The following CREBBP variants were observed in gnomAD, a reference collection of about 807,000 sequenced individuals.
The protein encoded by CREBBP is CREB-binding protein.
CREBBP carries 19 observed loss-of-function variants against 265.0 expected under a neutral mutation model. That is an observed-to-expected ratio of 0.07 (90% CI 0.05 to 0.11). The LOEUF is 0.11. CREBBP is among the 10% of genes least tolerant of loss of function. The probability of loss-of-function intolerance (pLI) is 1.00; values close to 1 mark genes in which losing one functional copy is unlikely to be tolerated. For synonymous variants in CREBBP, 1,457 were observed against 1,223.7 expected, an observed-to-expected ratio of 1.19 and a Z score of -3.98; for missense variants, 2,525 against 3,219.0, an observed-to-expected ratio of 0.78 and a Z score of 5.22.
chr16:3,867,863 T>C (rs112230232), intron 1 of CREBBP, among the ~76,000 whole-genome samples: 52 of 152,006 alleles, frequency 3.4e-4, no homozygotes, highest in African/African-American at 1.9e-4. Context: ...AAGGTGGACA[T>C]TGCAGTGAGC....
chr16:3,852,070 A>AAAAAAAAAAAAAAAAAAAAAAAAAAAAC (rs2054856686), intron 1 of CREBBP, among the ~76,000 whole-genome samples: 1 of 143,208 alleles, frequency 7.0e-6, no homozygotes, highest in African/African-American at 2.6e-5. Context: ...AAAAAAAAAA[A>AAAAAAAAAAAAAAAAAAAAAAAAAAAAC]AAAAAGAATG....
rs773500314 is a variant in CREBBP at position 3,731,487 on chromosome 16, G to A, written c.4891-14C>T. On this transcript the variant is annotated splice_polypyrimidine_tract_variant and intron_variant, in intron 29 of 30. Coordinates refer to ENST00000262367, the MANE Select transcript of CREBBP (RefSeq NM_004380.3). This position sits in a 1 kb window ranked among gnomAD's most constrained non-coding sequence, Gnocchi z 7.7. Reference sequence around the variant, plus strand: ...CACGAAGAAGACCTGCAGGAGAGGAGGGGCTTTAGTCCCACACAAGGGACA... The same window carrying A: ...CACGAAGAAGACCTGCAGGAGAGGAAGGGCTTTAGTCCCACACAAGGGACA... 1.3e-6 allele frequency: 2 copies of A among 1,571,692 alleles called. No homozygotes were observed. The highest frequency in any genetic ancestry group is 1.2e-5 in the South Asian group (1 of 86,580).
In CREBBP at chr16:3,729,851, G is replaced by A. The variant is rs1471958863; in HGVS notation, c.5196C>T (p.Cys1732=). 6.2e-7 allele frequency: 1 copy of A among 1,602,624 alleles called. No individual in the cohort carries two copies. Among genetic ancestry groups the A allele is most frequent in the African/African-American group, 1.3e-5 (1 of 75,052 alleles). Residue 1732 remains cysteine, a synonymous_variant, in exon 31 of 31, where the codon TGC becomes TGT. Coordinates refer to ENST00000262367, the MANE Select transcript of CREBBP (RefSeq NM_004380.3). ...VCEDYDLCIN[C]YNTKSHAHKM... ...TATGGGCATGGCTCTTCGTGTTATA[G>A]CAGTTGATGCAGAGGTCGTAGTCCT...
intron 16 of CREBBP, among the ~76,000 whole-genome samples, chr16:3,765,989 C>A (rs997335005): frequency 6.6e-6 from 1 of 152,048 alleles, no homozygotes; most frequent in Non-Finnish European, 1.5e-5. Flanking sequence ...ACCATGCACG[C>A]CCTGCTTTTC....
At position 3,812,342 on chromosome 16, in the gene CREBBP, C is replaced by T. The variant is rs1041181863; in HGVS notation, c.799-1563G>A. On this transcript the variant is annotated intron_variant, in intron 2 of 30. Coordinates refer to ENST00000262367, the MANE Select transcript of CREBBP (RefSeq NM_004380.3). ...TATGGGCTCGTGCCATCACACCCAG[C>T]TAATTTTTGTATTTTTAGTAGAGAC... 2.0e-5 allele frequency among the ~76,000 whole-genome samples: 3 copies of T among 151,976 alleles called. No individual in the cohort carries two copies. In the East Asian group the frequency reaches 5.8e-4, roughly 29 times the overall value.
intron 20 of CREBBP, among the ~76,000 whole-genome samples, chr16:3,750,484 G>A (rs1362195198): frequency 2.0e-5 from 3 of 152,326 alleles, no homozygotes; most frequent in East Asian, 3.9e-4. Context: ...CTGACGAAAA[G>A]AGGGAACGGC....
In CREBBP at chr16:3,731,618, G is replaced by T; in HGVS notation, c.4891-145C>A. 8 of 1,396,290 alleles carry T rather than the reference G, an allele frequency of 5.7e-6. No homozygotes were observed. Among genetic ancestry groups the T allele is most frequent in the Non-Finnish European group, 8.0e-6 (8 of 995,822 alleles). The allele number at this position is 1,396,290 out of a possible 1,614,324, so 86.5% of individuals were successfully genotyped here. On this transcript the variant is annotated intron_variant, in intron 29 of 30. Transcript: ENST00000262367. The surrounding 1 kb of genome is among the most constrained non-coding windows in gnomAD (Gnocchi z 7.7). ...GATGCCTTGGGATGGAACAAAATTG[G>T]TGACACGTTGCATGATGTCACCCAA... is the stretch of plus-strand genomic sequence containing the variant.
At chr16:3,777,897 T>G in intron 10 of CREBBP, 114 bp downstream of exon 10, 1 of 1,315,490 alleles carries the variant, frequency 7.6e-7, no homozygotes, top group Non-Finnish European at 1.1e-6. Context: ...ATCAACAGCT[T>G]CTGCAGGGCA....
At chr16:3,829,188 T>G (rs1218067387) in intron 2 of CREBBP, among the ~76,000 whole-genome samples, 2 of 152,146 alleles carry the variant, frequency 1.3e-5, no homozygotes, top group Non-Finnish European at 2.9e-5. Context: ...AGCAAAAATA[T>G]TTTGGAAAAG....
chr16:3,879,580 A>G (rs1039708188), intron 1 of CREBBP, among the ~76,000 whole-genome samples: 1 of 152,150 alleles, frequency 6.6e-6, no homozygotes, highest in African/African-American at 2.4e-5. Context: ...GAGTGCCACT[A>G]GGGTCCCCGC....
intron 2 of CREBBP, among the ~76,000 whole-genome samples, chr16:3,848,134 C>T (rs575059409): frequency 1.3e-5 from 2 of 150,702 alleles, no homozygotes; most frequent in African/African-American, 4.9e-5. Context: ...GGTGCCACTG[C>T]ACTCCAGACA....
At chr16:3,856,757 G>A (rs1455498572) in intron 1 of CREBBP, among the ~76,000 whole-genome samples, 2 of 152,182 alleles carry the variant, frequency 1.3e-5, no homozygotes, top group African/African-American at 2.4e-5. Context: ...TGAAGAGACC[G>A]TGTCAAGCAC....
intron 2 of CREBBP, among the ~76,000 whole-genome samples, chr16:3,829,792 C>G (rs923282363): frequency 1.3e-5 from 2 of 152,104 alleles, no homozygotes; most frequent in African/African-American, 4.8e-5. Context: ...ACTGGACATG[C>G]CAAGGAGCAG....
chr16:3,833,727 T>G (rs1222875416), intron 2 of CREBBP, among the ~76,000 whole-genome samples: 1 of 152,196 alleles, frequency 6.6e-6, no homozygotes, highest in East Asian at 1.9e-4. Context: ...TAATACTTAC[T>G]GTAAAGCTAA....
At chr16:3,730,396 G>C (rs2051882970) in intron 30 of CREBBP, 1 of 176,846 alleles carries the variant, frequency 5.7e-6, no homozygotes, top group Non-Finnish European at 1.2e-5. Context: ...AGTGCCTCTG[G>C]GAAGGCCTGA....
chr16:3,844,346 T>C (rs2054623807), intron 2 of CREBBP, among the ~76,000 whole-genome samples: 1 of 152,112 alleles, frequency 6.6e-6, no homozygotes, highest in South Asian at 2.1e-4. Flanking sequence ...ACAGAGATGG[T>C]TCAATTTGAT....
intron 25 of CREBBP, 86 bp downstream of exon 25, chr16:3,739,492 C>G (rs930193184): frequency 4.0e-6 from 6 of 1,518,388 alleles, no homozygotes; most frequent in Non-Finnish European, 5.5e-6. Flanking sequence ...TGAAGGCTCA[C>G]AGGCTCCTCT....
intron 2 of CREBBP, among the ~76,000 whole-genome samples, chr16:3,825,458 G>A (rs550058665): frequency 2.0e-5 from 3 of 152,258 alleles, no homozygotes; most frequent in African/African-American, 7.2e-5. Context: ...CCTTGGAATT[G>A]CAATTAGTTG....
intron 16 of CREBBP, among the ~76,000 whole-genome samples, chr16:3,762,833 G>A (rs2052755131): frequency 6.6e-6 from 1 of 150,502 alleles, no homozygotes; most frequent in Admixed American, 6.6e-5. Context: ...GGAGTGCAGT[G>A]GCGCGATCTC....
Sources: gnomAD v4.1 joint callset for allele counts (sites outside exome capture counted in the v4.1 genomes callset) on GRCh38, gnomAD v4.1.1 for gene constraint, Gnocchi (gnomAD v3.1) non-coding constraint, MANE v1.5 for transcripts, NCBI Gene and HGNC (gene_info 2026-07-23, HGNC 2026-07-21) for gene names.